Variants in ADGRG4 observed in about 807,000 individuals in gnomAD.
ADGRG4 encodes the protein adhesion G protein-coupled receptor G4.
In ADGRG4, 122 loss-of-function variants were observed where a neutral mutation model predicts 126.2. The ratio of observed to expected loss-of-function variants is 0.97; its 90% CI spans 0.83 to 1.12. ADGRG4 has a LOEUF of 1.12. Among genes scored for constraint, ADGRG4 ranks in the 50% most tolerant of loss-of-function variants. ADGRG4 has a pLI of 0.00. For missense variants in ADGRG4, 2,481 were observed against 2,251.8 expected (o/e 1.10, Z -2.06); for synonymous variants, 943 against 838.7 (o/e 1.12, Z -2.15).
chrX:136,389,764 C>T (rs776143891), intron 16 of ADGRG4, among the ~76,000 whole-genome samples: 13 of 111,858 alleles, frequency 1.2e-4, no homozygotes, highest in Admixed American at 1.9e-4. Flanking sequence ...GTGCTGAATG[C>T]TGAGGATGCA....
intron 4 of ADGRG4, among the ~76,000 whole-genome samples, chrX:136,319,507 A>G (rs759127226): frequency 4.5e-5 from 5 of 111,933 alleles, no homozygotes; most frequent in Non-Finnish European, 9.4e-5. Context: ...TAACTTTTAT[A>G]TAGTGTTCTC....
In ADGRG4 at chrX:136,403,248, C is replaced by T. The variant is rs1358806512; in HGVS notation, c.8580C>T (p.Ile2860=). 1 of 1,209,698 alleles carries T rather than the reference C, an allele frequency of 8.3e-7. No individual in the cohort carries two copies. Among genetic ancestry groups the T allele is most frequent in the South Asian group, 1.8e-5 (1 of 56,816 alleles). ...ILKFCLVGWG[I]PAIMVAITVS... ...TGACTTGCTTTCCCACTGCAGGAATCCCGGCTATCATGGTGGCAATCACAG... is the reference window on the plus strand; with the variant it reads ...TGACTTGCTTTCCCACTGCAGGAATTCCGGCTATCATGGTGGCAATCACAG... Residue 2860 remains isoleucine, a synonymous_variant, in exon 22 of 26, where the codon ATC becomes ATT. Transcript: ENST00000394143.
Position 136,349,064 on chromosome X carries a change from A to G in ADGRG4, c.5358A>G (p.Thr1786=), listed in dbSNP as rs1281269159. The G allele has an allele frequency of 8.3e-7, 1 of 1,207,335 alleles. No individual in the cohort carries two copies. The highest frequency in any genetic ancestry group is 2.2e-5 in the Admixed American group (1 of 45,631). The change falls in exon 6 of 26, where the codon ACA becomes ACG. Residue 1786 remains threonine (T), a synonymous_variant. Coordinates refer to ENST00000394143, the MANE Select transcript of ADGRG4 (RefSeq NM_153834.4). ...SASGPTKNVK[T]TTNCFSSNTR... ...CTGGACCCACAAAAAATGTTAAAAC[A>G]ACCACCAATTGCTTTTCTTCTAATA...
intron 19 of ADGRG4, among the ~76,000 whole-genome samples, chrX:136,396,366 C>CATATAT (rs747291704): frequency 2.3e-4 from 22 of 95,070 alleles, no homozygotes; most frequent in African/African-American, 6.9e-4. Context: ...ATTTATTTTA[C>CATATAT]ATATATATAT....
chrX:136,377,167 C>CTTTTTTTTTTTTTTTTTTTTT lies in ADGRG4; in HGVS notation c.7776+4107_7776+4127dup, dbSNP rs1184343263. Among the ~76,000 whole-genome samples, 337 of 48,626 alleles carry CTTTTTTTTTTTTTTTTTTTTT rather than the reference C, an allele frequency of 6.9e-3. 1 individual carries two copies. Among genetic ancestry groups the CTTTTTTTTTTTTTTTTTTTTT allele is most frequent in the Admixed American group, 0.011 (38 of 3,534 alleles). 42.2% of individuals were successfully genotyped at this position (48,626 alleles called of 115,157 possible). A position where few individuals can be genotyped will look rare whatever the true frequency, so the allele number is the denominator to read the frequency against. ...GTTTTTCACTTTCTTGTTTTCTTTC[C>CTTTTTTTTTTTTTTTTTTTTT]TTTTTTTTTTTTTTTTTTTTTTTTG... On this transcript the variant is annotated intron_variant, in intron 15 of 25. Transcript: ENST00000394143.
chrX:136,411,637 T>C (rs1474846052), intron 23 of ADGRG4, among the ~76,000 whole-genome samples: 1 of 112,929 alleles, frequency 8.9e-6, no homozygotes, highest in East Asian at 2.8e-4. Context: ...GGATCAGGAA[T>C]TCAGGGGCAG....
chrX:136,307,424 A>C (rs2074741085), intron 3 of ADGRG4, among the ~76,000 whole-genome samples: 1 of 112,467 alleles, frequency 8.9e-6, no homozygotes. Flanking sequence ...GCTGCATTTC[A>C]TTTTGCAAGT....
intron 4 of ADGRG4, among the ~76,000 whole-genome samples, chrX:136,313,127 A>G (rs935840206): frequency 8.9e-6 from 1 of 112,504 alleles, no homozygotes; most frequent in East Asian, 2.8e-4. Context: ...TTTGTGTACA[A>G]GTTTTGTGTG....
In ADGRG4 at chrX:136,319,335, A is replaced by G. The variant is rs1051606621; in HGVS notation, c.71-3443A>G. Among the ~76,000 whole-genome samples, 4 of 112,212 alleles carry G rather than the reference A, an allele frequency of 3.6e-5. No individual in the cohort carries two copies. In the East Asian group the frequency reaches 1.1e-3, roughly 31 times the overall value. On this transcript the variant is annotated intron_variant, in intron 4 of 25. Transcript: ENST00000394143. ...GACCCTGGCAAACATGGCAGCTGAC[A>G]TTTACATGGGGTTGCACAGTTTATA...
intron 12 of ADGRG4, among the ~76,000 whole-genome samples, chrX:136,363,115 C>T (rs1364463442): frequency 9.0e-6 from 1 of 111,511 alleles, no homozygotes; most frequent in Non-Finnish European, 1.9e-5. Flanking sequence ...CACATTCGAA[C>T]AGGAATTTCC....
At chrX:136,319,690 A>G (rs988275923) in intron 4 of ADGRG4, among the ~76,000 whole-genome samples, 11 of 92,683 alleles carry the variant, frequency 1.2e-4, no homozygotes, top group African/African-American at 4.4e-4. Flanking sequence ...AAGTAAGGCC[A>G]CAGTGATTCT....
chrX:136,413,710 A>T (rs1394315138), intron 24 of ADGRG4, among the ~76,000 whole-genome samples: 1 of 107,387 alleles, frequency 9.3e-6, no homozygotes, highest in Non-Finnish European at 1.9e-5. Context: ...AACACTGTGC[A>T]TCAAGCTTTG....
At chrX:136,414,040 C>A in intron 24 of ADGRG4, 120 bp from the exon 25 acceptor site, 1 of 642,626 alleles carries the variant, frequency 1.6e-6, no homozygotes, top group Non-Finnish European at 2.3e-6. Context: ...TGCGCCTGGC[C>A]TAAACTTTGT....
intron 13 of ADGRG4, among the ~76,000 whole-genome samples, chrX:136,370,128 T>G (rs985686279): frequency 9.0e-6 from 1 of 111,074 alleles, no homozygotes; most frequent in African/African-American, 3.3e-5. Context: ...GTAAGAGAAA[T>G]ACAGACAGAG....
chrX:136,359,536 ATTCTGAG>A, intron 11 of ADGRG4, 81 bp downstream of exon 11: 1 of 770,845 alleles, frequency 1.3e-6, no homozygotes, highest in South Asian at 3.2e-5. Flanking sequence ...TTGGTTAAGG[ATTCTGAG>A]TTCAGAAAGG....
At chrX:136,366,998 G>A (rs1446371949) in intron 13 of ADGRG4, among the ~76,000 whole-genome samples, 1 of 110,985 alleles carries the variant, frequency 9.0e-6, no homozygotes. Context: ...TATAAAAGAG[G>A]CCTCAGAGAG....
chrX:136,367,748 A>G (rs866970860), intron 13 of ADGRG4, among the ~76,000 whole-genome samples: 6 of 112,455 alleles, frequency 5.3e-5, no homozygotes, highest in Admixed American at 9.4e-5. Context: ...ATTCACGTTG[A>G]AACAATTTAT....
At chrX:136,379,955 T>A (rs1187107444) in intron 15 of ADGRG4, among the ~76,000 whole-genome samples, 2 of 111,926 alleles carry the variant, frequency 1.8e-5, no homozygotes, top group East Asian at 5.6e-4. Flanking sequence ...AATTTGCTAA[T>A]TTTTTAGGGC....
Position 136,377,167 on chromosome X carries a change from C to CTTTTTTTTTTTTTTTTTTTTTTT in ADGRG4, c.7776+4105_7776+4127dup, listed in dbSNP as rs1184343263. ...GTTTTTCACTTTCTTGTTTTCTTTC[C>CTTTTTTTTTTTTTTTTTTTTTTT]TTTTTTTTTTTTTTTTTTTTTTTTG... On this transcript the variant is annotated intron_variant, in intron 15 of 25. Coordinates refer to ENST00000394143, the MANE Select transcript of ADGRG4 (RefSeq NM_153834.4). Among the ~76,000 whole-genome samples, 80 of 48,632 alleles carry CTTTTTTTTTTTTTTTTTTTTTTT rather than the reference C, an allele frequency of 1.6e-3. 1 individual carries two copies. Among genetic ancestry groups the CTTTTTTTTTTTTTTTTTTTTTTT allele is most frequent in the African/African-American group, 3.1e-3 (30 of 9,783 alleles). 42.2% of individuals were successfully genotyped at this position (48,632 alleles called of 115,157 possible). A position where few individuals can be genotyped will look rare whatever the true frequency, so the allele number is the denominator to read the frequency against.
Sources: allele counts gnomAD v4.1 joint callset (sites outside exome capture counted in the v4.1 genomes callset), GRCh38; gene constraint gnomAD v4.1.1; transcripts MANE v1.5; gene names NCBI Gene and HGNC (gene_info 2026-07-23, HGNC 2026-07-21).